Variants in PDF observed in about 807,000 individuals in gnomAD.
PDF encodes the protein peptide deformylase, mitochondrial, also known as peptide deformylase-like protein.
Under a neutral mutation model 20.3 loss-of-function variants are expected in PDF, and 31 were observed. The observed-to-expected ratio is 1.52, with a 90% CI of 1.15 to 2.06. The LOEUF (loss-of-function observed/expected upper bound fraction) is 2.06. Ranked by LOEUF, PDF falls within the 30% of genes most tolerant of loss-of-function variation. The pLI, the probability that PDF is intolerant of heterozygous loss-of-function variation, is 0.00. For missense variants in PDF, 447 were observed against 362.5 expected (o/e 1.23, Z -1.89); for synonymous variants, 254 against 172.0 (o/e 1.48, Z -3.73).
At chr16:69,329,392 G>A (rs538838841) in intron 1 of PDF, among the ~76,000 whole-genome samples, 8 of 152,296 alleles carry the variant, frequency 5.3e-5, no homozygotes, top group Admixed American at 2.6e-4. Context: ...TGGTAATTAG[G>A]TTATCGAGCT....
In PDF at chr16:69,330,003, T is replaced by C. The variant is rs1179075503; in HGVS notation, c.568A>G (p.Ile190Val). Residue 190 changes from isoleucine to valine, a missense_variant, in exon 1 of 2, where the codon ATC becomes GTC. Ile to Val is a conservative substitution (Grantham distance 29). Transcript: ENST00000288022. ...CGGTCCCCGCCGCCCGCACCTGAGA[T>C]CTGCACCGCCTGGAAGCGGGGCACG... ...ACVPRFQAVQ[I>V]SGLDPNGEQV... 6.5e-7 allele frequency: 1 copy of C among 1,537,688 alleles called. No homozygotes were observed. The highest frequency in any genetic ancestry group is 8.8e-7 in the Non-Finnish European group (1 of 1,142,098).
Position 69,329,112 on chromosome 16 carries a change from G to T in PDF, c.642C>A (p.His214Gln). ...ASGWAARIIQHEMDHLQGCLF... is the reference protein window; with the variant it reads ...ASGWAARIIQQEMDHLQGCLF... ...GGCAGCCCTGCAGGTGGTCCATCTC[G>T]TGCTGGATGATGCGGGCTGCCCACC... is the stretch of plus-strand genomic sequence containing the variant. Residue 214 changes from histidine to glutamine, a missense_variant, in exon 2 of 2, where the codon CAC (histidine) becomes CAA (glutamine). Transcript: ENST00000288022. 6.2e-7 allele frequency: 1 copy of T among 1,611,076 alleles called. No homozygotes were observed. The highest frequency in any genetic ancestry group is 8.5e-7 in the Non-Finnish European group (1 of 1,179,414).
chr16:69,329,340 C>T (rs1048892931), intron 1 of PDF, among the ~76,000 whole-genome samples, 161 bp from the exon 2 acceptor site: 1 of 152,226 alleles, frequency 6.6e-6, no homozygotes, highest in Admixed American at 6.5e-5. Flanking sequence ...AAACGTCCCT[C>T]ATCTCGGTCC....
Position 69,330,323 on chromosome 16 carries a change from T to C in PDF, c.248A>G (p.Glu83Gly). ...PVLRGVAAPVERAQLGGPELQ... is the reference protein window; with the variant it reads ...PVLRGVAAPVGRAQLGGPELQ... ...CTCGGGCCCGCCTAGCTGCGCCCGC[T>C]CCACCGGGGCCGCCACGCCGCGCAG... Residue 83 changes from glutamate (E) to glycine (G), a missense_variant, in exon 1 of 2, where the codon GAG becomes GGG. Transcript: ENST00000288022. 6.9e-7 allele frequency: 1 copy of C among 1,445,938 alleles called. No homozygotes were observed. The highest frequency in any genetic ancestry group is 2.8e-5 in the Admixed American group (1 of 35,936). 89.6% of individuals were successfully genotyped at this position (1,445,938 alleles called of 1,614,324 possible). A position where few individuals can be genotyped will look rare whatever the true frequency, so the allele number is the denominator to read the frequency against.
rs1965664488 is a variant in PDF at position 69,328,264 on chromosome 16, A to G, written c.*758T>C. ...CCTGGCCACTTTCTTAAACCTACAC[A>G]TTGGTTGCTGTGATATTAATTCTAT... On this transcript the variant is annotated 3_prime_UTR_variant, in exon 2 of 2. Transcript: ENST00000288022. 1 of 151,950 alleles carries G rather than the reference A, an allele frequency of 6.6e-6. No homozygotes were observed. The highest frequency in any genetic ancestry group is 1.9e-4 in the East Asian group (1 of 5,186). 9.4% of individuals were successfully genotyped at this position (151,950 alleles called of 1,614,324 possible).
rs190388086 is a variant in PDF, at chr16:69,327,766, C to T, written c.*1256G>A. ...GTGTGGCTCACAACTGATCCCAGCA[C>T]TTTGGGAGGCCGAGGCAGGAGGATT... On this transcript the variant is annotated 3_prime_UTR_variant, in exon 2 of 2. Transcript: ENST00000288022. 1 of 151,932 alleles carries T rather than the reference C, an allele frequency of 6.6e-6. No individual in the cohort carries two copies. Among genetic ancestry groups the T allele is most frequent in the African/African-American group, 2.4e-5 (1 of 41,424 alleles). The allele number at this position is 151,932 out of a possible 1,614,324, so 9.4% of individuals were successfully genotyped here.
In PDF at chr16:69,330,125, G is replaced by C. The variant is rs758028042; in HGVS notation, c.446C>G (p.Pro149Arg). The change falls in exon 1 of 2, where the codon CCC becomes CGC. Residue 149 changes from proline (P) to arginine (R), a missense_variant. Transcript: ENST00000288022. The part of the protein sequence containing the change: ...QRALRQMEPF[P>R]LRVFVNPSLR... ...GCTGGGGTTCACGAACACGCGCAGG[G>C]GGAAGGGCTCCATTTGGCGGAGCGC... 8.9e-6 allele frequency: 14 copies of C among 1,574,970 alleles called. No individual in the cohort carries two copies. The East Asian group carries it at 2.2e-4, about 25-fold the overall frequency.
chr16:69,329,747 A>G (rs957706441), intron 1 of PDF, among the ~76,000 whole-genome samples: 1 of 152,154 alleles, frequency 6.6e-6, no homozygotes, highest in Non-Finnish European at 1.5e-5. Context: ...AGAGCAAGGG[A>G]GCAGAAAGCA....
At chr16:69,329,964 T>C in intron 1 of PDF, 33 bp downstream of exon 1, 8 of 1,501,838 alleles carry the variant, frequency 5.3e-6, no homozygotes, top group Non-Finnish European at 7.1e-6. Flanking sequence ...ACGCGCGCGC[T>C]GCTCCAGCAG....
In PDF at chr16:69,330,126, G is replaced by A. The variant is rs1306213295; in HGVS notation, c.445C>T (p.Pro149Ser). Residue 149 changes from proline to serine, a missense_variant, in exon 1 of 2, where the codon CCC becomes TCC. By Grantham distance (74) the Pro-to-Ser change is moderately conservative. Transcript: ENST00000288022. ...QRALRQMEPF[P>S]LRVFVNPSLR... is the part of the protein sequence containing the mutation. ...CTGGGGTTCACGAACACGCGCAGGG[G>A]GAAGGGCTCCATTTGGCGGAGCGCG... 4 of 1,576,788 alleles carry A rather than the reference G, an allele frequency of 2.5e-6. No homozygotes were observed. Among genetic ancestry groups the A allele is most frequent in the African/African-American group, 1.5e-5 (1 of 68,604 alleles).
At position 69,328,367 on chromosome 16, in the gene PDF, G is replaced by A. The variant is rs1567427792; in HGVS notation, c.*655C>T. The stretch of plus-strand genomic sequence containing the variant: ...AATTGTTAACAGGAAAGGGCTCAGT[G>A]CACTTCTCAATTGTCACCCCTGCCC... On this transcript the variant is annotated 3_prime_UTR_variant, in exon 2 of 2. Transcript: ENST00000288022. 1 of 152,318 alleles carries A rather than the reference G, an allele frequency of 6.6e-6. No individual in the cohort carries two copies. The highest frequency in any genetic ancestry group is 2.4e-5 in the African/African-American group (1 of 41,430). 9.4% of individuals were successfully genotyped at this position (152,318 alleles called of 1,614,324 possible).
In PDF at chr16:69,328,928, G is replaced by C; in HGVS notation, c.*94C>G. On this transcript the variant is annotated 3_prime_UTR_variant, in exon 2 of 2. Transcript: ENST00000288022. ...CAATCCAGTTTCCTGTCATATGCGA[G>C]CCATCCAAGTTGATGCCAAGTAAGA... 1 of 1,488,006 alleles carries C rather than the reference G, an allele frequency of 6.7e-7. No homozygotes were observed. The highest frequency in any genetic ancestry group is 9.0e-7 in the Non-Finnish European group (1 of 1,110,910). 92.2% of individuals were successfully genotyped at this position (1,488,006 alleles called of 1,614,324 possible). A position where few individuals can be genotyped will look rare whatever the true frequency, so the allele number is the denominator to read the frequency against.
Position 69,330,013 on chromosome 16 carries a change from C to G in PDF, c.558G>C (p.Gln186His). The G allele has an allele frequency of 6.5e-7, 1 of 1,539,970 alleles. No homozygotes were observed. The highest frequency in any genetic ancestry group is 1.4e-5 in the African/African-American group (1 of 71,370). Residue 186 changes from glutamine to histidine, a missense_variant, in exon 1 of 2, where the codon CAG becomes CAC. Physicochemically the swap from Gln to His is conservative, Grantham distance 24. Coordinates refer to ENST00000288022, the MANE Select transcript of PDF (RefSeq NM_022341.2). ...AGFLACVPRF[Q>H]AVQISGLDPN... is the part of the protein sequence containing the mutation. ...CGCCCGCACCTGAGATCTGCACCGCCTGGAAGCGGGGCACGCAGGCCAGGA... is the reference window on the plus strand; with the variant it reads ...CGCCCGCACCTGAGATCTGCACCGCGTGGAAGCGGGGCACGCAGGCCAGGA...
rs905292230 is a variant in PDF, at chr16:69,328,056, C to T, written c.*966G>A. The T allele has an allele frequency of 6.6e-6, 1 of 152,180 alleles. No homozygotes were observed. The highest frequency in any genetic ancestry group is 1.5e-5 in the Non-Finnish European group (1 of 68,060). The allele number at this position is 152,180 out of a possible 1,614,324, so 9.4% of individuals were successfully genotyped here. ...CTCCGCCTCCTGGGTTCAAGTAATT[C>T]TCTGCCTTGGCTTCACGAGTAGCTG... On this transcript the variant is annotated 3_prime_UTR_variant, in exon 2 of 2. Transcript: ENST00000288022.
At chr16:69,329,251 C>CCCCCG (rs1965703488) in intron 1 of PDF, 72 bp from the exon 2 acceptor site, 1 of 1,429,312 alleles carries the variant, frequency 7.0e-7, no homozygotes, top group Non-Finnish European at 9.1e-7. Flanking sequence ...CCTACCCCTG[C>CCCCCG]CCCCGGTCCT....
rs764715773 is a variant in PDF, at chr16:69,328,727, G to C, written c.*295C>G. On this transcript the variant is annotated 3_prime_UTR_variant, in exon 2 of 2. Transcript: ENST00000288022. ...GAGATTATACAGGTCCGAGGAACTC[G>C]TGTCTACTGCAGACGAATGCAATTA... 1 of 363,804 alleles carries C rather than the reference G, an allele frequency of 2.7e-6. No homozygotes were observed. The highest frequency in any genetic ancestry group is 5.3e-5 in the Admixed American group (1 of 18,858). 22.5% of individuals were successfully genotyped at this position (363,804 alleles called of 1,614,324 possible). A position where few individuals can be genotyped will look rare whatever the true frequency, so the allele number is the denominator to read the frequency against.
At position 69,327,987 on chromosome 16, in the gene PDF, C is replaced by T. The variant is rs1471960792; in HGVS notation, c.*1035G>A. On this transcript the variant is annotated 3_prime_UTR_variant, in exon 2 of 2. Transcript: ENST00000288022. ...TACTTTTGAGTCTCGCTCTGTCGCC[C>T]AGGCTGGATGGAGTGCAGTGGCGTG... 3 of 151,406 alleles carry T rather than the reference C, an allele frequency of 2.0e-5. No individual in the cohort carries two copies. The highest frequency in any genetic ancestry group is 4.4e-5 in the Non-Finnish European group (3 of 67,518). 9.4% of individuals were successfully genotyped at this position (151,406 alleles called of 1,614,324 possible).
chr16:69,330,518 G>C lies in PDF; in HGVS notation c.53C>G (p.Pro18Arg), dbSNP rs1022004544. Residue 18 changes from proline (P) to arginine (R), a missense_variant, in exon 1 of 2, where the codon CCG (proline) becomes CGG (arginine). Coordinates refer to ENST00000288022, the MANE Select transcript of PDF (RefSeq NM_022341.2). ...LSLWPLWAAV[P>R]WGGAAAVGVR... ...ACCGACGGCTGCCGCCCCGCCCCAC[G>C]GCACGGCCGCCCACAGTGGCCAAAG... The C allele has an allele frequency of 1.4e-5, 20 of 1,473,622 alleles. No individual in the cohort carries two copies. Among genetic ancestry groups the C allele is most frequent in the Non-Finnish European group, 1.7e-5 (19 of 1,121,200 alleles). The allele number at this position is 1,473,622 out of a possible 1,614,324, so 91.3% of individuals were successfully genotyped here.
Position 69,327,333 on chromosome 16 carries a change from A to G in PDF, c.*1689T>C, listed in dbSNP as rs2143287334. On this transcript the variant is annotated 3_prime_UTR_variant, in exon 2 of 2. Coordinates refer to ENST00000288022, the MANE Select transcript of PDF (RefSeq NM_022341.2). ...CAGGCGCCTACCAGCACACCCAGCT[A>G]ATTTTCATATTTTTAGTAGAAACAG... 1 of 152,116 alleles carries G rather than the reference A, an allele frequency of 6.6e-6. No homozygotes were observed. The highest frequency in any genetic ancestry group is 2.1e-4 in the South Asian group (1 of 4,830). The allele number at this position is 152,116 out of a possible 1,614,324, so 9.4% of individuals were successfully genotyped here.
Sources: gnomAD v4.1 joint callset for allele counts (sites outside exome capture counted in the v4.1 genomes callset) on GRCh38, gnomAD v4.1.1 for gene constraint, MANE v1.5 for transcripts, NCBI Gene and HGNC (gene_info 2026-07-23, HGNC 2026-07-21) for gene names.